RDH5: variants seen among roughly 807,000 people sequenced by gnomAD.
RDH5 encodes the protein 11-cis RDH.
RDH5 carries 25 observed loss-of-function variants against 24.0 expected under a neutral mutation model. The observed-to-expected ratio is 1.04, with a 90% CI of 0.76 to 1.46. The LOEUF (loss-of-function observed/expected upper bound fraction) is 1.46. Among genes scored for constraint, RDH5 ranks in the 40% most tolerant of loss-of-function variants. The pLI, the probability that RDH5 is intolerant of heterozygous loss-of-function variation, is 0.00. For missense variants in RDH5, 369 were observed against 410.3 expected, an observed-to-expected ratio of 0.90 and a Z score of 0.87; for synonymous variants, 170 against 175.2, an observed-to-expected ratio of 0.97 and a Z score of 0.23.
rs1217369608 is a variant in RDH5, at chr12:55,721,192, T to C, written c.8T>C (p.Leu3Pro). The C allele has an allele frequency of 1.2e-6, 2 of 1,613,964 alleles. No homozygotes were observed. Among genetic ancestry groups the C allele is most frequent in the African/African-American group, 1.3e-5 (1 of 75,064 alleles). Reference protein sequence around the residue: MWLPLLLGALLWA... With the variant: MWPPLLLGALLWA... ...GTCACTTGGGCTCCAGCTATGTGGC[T>C]GCCTCTTCTGCTGGGTGCCTTACTC... is the stretch of plus-strand genomic sequence containing the variant. Residue 3 changes from leucine (L) to proline (P), a missense_variant, in exon 2 of 5, where the codon CTG becomes CCG. By Grantham distance (98) the Leu-to-Pro change is moderately conservative (BLOSUM62 -3). Transcript: ENST00000257895. This position sits in a 1 kb window ranked among gnomAD's most constrained non-coding sequence, Gnocchi z 4.7.
At position 55,721,793 on chromosome 12, in the gene RDH5, G is replaced by C. The variant is rs772030499; in HGVS notation, c.415G>C (p.Gly139Arg). The C allele has an allele frequency of 6.2e-7, 1 of 1,614,066 alleles. No individual in the cohort carries two copies. Residue 139 changes from glycine (G) to arginine (R), a missense_variant, in exon 3 of 5, where the codon GGT becomes CGT. Coordinates refer to ENST00000257895, the MANE Select transcript of RDH5 (RefSeq NM_002905.5). This position sits in a 1 kb window ranked among gnomAD's most constrained non-coding sequence, Gnocchi z 4.7. ...FQRVLNVNTM[G>R]PIGVTLALLP... is the part of the protein sequence containing the mutation. ...GCGGGTGCTGAATGTGAACACAATG[G>C]GTCCCATCGGGGTCACCCTTGCCCT...
rs1412976313 is a variant in RDH5 at position 55,724,470 on chromosome 12, C to T, written c.882C>T (p.Ala294=). ...ATGCCAAGCTGCTCTGGCTGCCTGC[C>T]TCCTACCTGCCAGCCAGCCTGGTGG... ...GWDAKLLWLP[A]SYLPASLVDA... Residue 294 remains alanine, a synonymous_variant, in exon 5 of 5, where the codon GCC becomes GCT. Coordinates refer to ENST00000257895, the MANE Select transcript of RDH5 (RefSeq NM_002905.5). The T allele has an allele frequency of 3.7e-6, 6 of 1,613,864 alleles. No individual in the cohort carries two copies. In the African/African-American group the frequency reaches 5.3e-5, roughly 14 times the overall value.
At position 55,721,235 on chromosome 12, in the gene RDH5, G is replaced by A. The variant is rs1157291427; in HGVS notation, c.51G>A (p.Leu17=). The part of the protein sequence containing the change: ...LGALLWAVLW[L]LRDRQSLPAS... Reference sequence around the variant, plus strand: ...CCTTACTCTGGGCAGTGCTGTGGTTGCTCAGGGACCGGCAGAGCCTGCCCG... The same window carrying A: ...CCTTACTCTGGGCAGTGCTGTGGTTACTCAGGGACCGGCAGAGCCTGCCCG... The change falls in exon 2 of 5, where the codon TTG becomes TTA. Residue 17 remains leucine (L), a synonymous_variant. Transcript: ENST00000257895. This position sits in a 1 kb window ranked among gnomAD's most constrained non-coding sequence, Gnocchi z 4.7. The A allele has an allele frequency of 7.4e-6, 12 of 1,613,948 alleles. No homozygotes were observed. Among genetic ancestry groups the A allele is most frequent in the Non-Finnish European group, 1.0e-5 (12 of 1,180,050 alleles).
At chr12:55,720,883 CAAAAAAAAAAA>C (rs4016511) in intron 1 of RDH5, 20 of 100,380 alleles carry the variant, frequency 2.0e-4, no homozygotes, top group East Asian at 4.7e-4. Flanking sequence ...GACTCCATCT[CAAAAAAAAAAA>C]AAAAAAAAAA....
chr12:55,721,567 C>T lies in RDH5; in HGVS notation c.310+73C>T. 2 of 1,593,622 alleles carry T rather than the reference C, an allele frequency of 1.3e-6. No homozygotes were observed. The highest frequency in any genetic ancestry group is 1.7e-6 in the Non-Finnish European group (2 of 1,173,740). On this transcript the variant is annotated intron_variant, in intron 2 of 4. Transcript: ENST00000257895. This position sits in a 1 kb window ranked among gnomAD's most constrained non-coding sequence, Gnocchi z 4.7. ...CCACAGTCACCCCAGGAGTCACCTG[C>T]AAGGGCTGTGGTAAGCTAAAGGGAC...
rs773408248 is a variant in RDH5, at chr12:55,724,308, C to G, written c.734-14C>G. 2.5e-6 allele frequency: 4 copies of G among 1,612,752 alleles called. No individual in the cohort carries two copies. Among genetic ancestry groups the G allele is most frequent in the Non-Finnish European group, 1.7e-6 (2 of 1,178,710 alleles). Reference sequence around the variant, plus strand: ...AGGAAGGGAAACTGATTGCAACCACCTATGGGGCTGCAGACCTGAAAATGC... The same window carrying G: ...AGGAAGGGAAACTGATTGCAACCACGTATGGGGCTGCAGACCTGAAAATGC... On this transcript the variant is annotated splice_polypyrimidine_tract_variant and intron_variant, in intron 4 of 4. Transcript: ENST00000257895.
chr12:55,723,822 T>C (rs1877048218), intron 3 of RDH5, 64 bp from the exon 4 acceptor site: 3 of 1,584,866 alleles, frequency 1.9e-6, no homozygotes, highest in South Asian at 2.2e-5. Flanking sequence ...CCCCAACCCA[T>C]GTCCCTCAAA....
chr12:55,721,722 C>G lies in RDH5; in HGVS notation c.344C>G (p.Ala115Gly), dbSNP rs1489469476. 2 of 1,612,964 alleles carry G rather than the reference C, an allele frequency of 1.2e-6. No homozygotes were observed. Among genetic ancestry groups the G allele is most frequent in the African/African-American group, 1.3e-5 (1 of 74,922 alleles). The change falls in exon 3 of 5, where the codon GCT (alanine) becomes GGT (glycine). Residue 115 changes from alanine (A) to glycine (G), a missense_variant. Physicochemically the swap from Ala to Gly is moderately conservative, Grantham distance 60. Transcript: ENST00000257895. The surrounding 1 kb of genome is among the most constrained non-coding windows in gnomAD (Gnocchi z 4.7). ...GGTCTGGTGAATAATGCTGGTGTGGCTGGTATCATCGGACCCACACCATGG... is the reference window on the plus strand; with the variant it reads ...GGTCTGGTGAATAATGCTGGTGTGGGTGGTATCATCGGACCCACACCATGG... Reference protein sequence around the residue: ...LFGLVNNAGVAGIIGPTPWLT... With the variant: ...LFGLVNNAGVGGIIGPTPWLT...
Position 55,721,457 on chromosome 12 carries a change from G to T in RDH5, c.273G>T (p.Gln91His). Reference sequence around the variant, plus strand: ...TCACTGATCCCCAGAGCGTCCAGCAGGCAGCCAAGTGGGTGGAGATGCACG... The same window carrying T: ...TCACTGATCCCCAGAGCGTCCAGCATGCAGCCAAGTGGGTGGAGATGCACG... ...LDITDPQSVQ[Q>H]AAKWVEMHVK... Residue 91 changes from glutamine to histidine, a missense_variant, in exon 2 of 5, where the codon CAG becomes CAT. Gln to His is a conservative substitution (Grantham distance 24). Transcript: ENST00000257895. The surrounding 1 kb of genome is among the most constrained non-coding windows in gnomAD (Gnocchi z 4.7). 1 of 1,612,214 alleles carries T rather than the reference G, an allele frequency of 6.2e-7. No homozygotes were observed. The highest frequency in any genetic ancestry group is 1.1e-5 in the South Asian group (1 of 91,086).
At chr12:55,723,728 C>A in intron 3 of RDH5, 158 bp from the exon 4 acceptor site, 1 of 793,434 alleles carries the variant, frequency 1.3e-6, no homozygotes. Context: ...ACTTTCCTCC[C>A]TCTACCCCAC....
At chr12:55,723,744 C>T in intron 3 of RDH5, 142 bp from the exon 4 acceptor site, 1 of 927,114 alleles carries the variant, frequency 1.1e-6, no homozygotes, top group Admixed American at 1.9e-5. Flanking sequence ...CCCACTTGAC[C>T]CTTGTCCCGG....
chr12:55,723,698 A>C, intron 3 of RDH5, 188 bp from the exon 4 acceptor site: 1 of 652,512 alleles, frequency 1.5e-6, no homozygotes, highest in Non-Finnish European at 2.7e-6. Context: ...TCTAGATCAA[A>C]GAAAACAAAC....
At position 55,721,163 on chromosome 12, in the gene RDH5, G is replaced by A; in HGVS notation, c.-22G>A. ...TTCTGCCCAGCCTAGGCTGCCACCTGTAGGTCACTTGGGCTCCAGCTATGT... is the reference window on the plus strand; with the variant it reads ...TTCTGCCCAGCCTAGGCTGCCACCTATAGGTCACTTGGGCTCCAGCTATGT... On this transcript the variant is annotated 5_prime_UTR_variant, in exon 2 of 5. Coordinates refer to ENST00000257895, the MANE Select transcript of RDH5 (RefSeq NM_002905.5). The surrounding 1 kb of genome is among the most constrained non-coding windows in gnomAD (Gnocchi z 4.7). 6.2e-7 allele frequency: 1 copy of A among 1,613,034 alleles called. No individual in the cohort carries two copies. The highest frequency in any genetic ancestry group is 8.5e-7 in the Non-Finnish European group (1 of 1,179,506).
Position 55,721,516 on chromosome 12 carries a change from G to A in RDH5, c.310+22G>A. 2 of 1,602,332 alleles carry A rather than the reference G, an allele frequency of 1.2e-6. No homozygotes were observed. The highest frequency in any genetic ancestry group is 1.7e-6 in the Non-Finnish European group (2 of 1,179,796). ...GCAGGTAAGTATGGTAGACCACCAG[G>A]AATATGGTGTGGGGTGTCCTGATCC... On this transcript the variant is annotated intron_variant, in intron 2 of 4. Coordinates refer to ENST00000257895, the MANE Select transcript of RDH5 (RefSeq NM_002905.5). This position sits in a 1 kb window ranked among gnomAD's most constrained non-coding sequence, Gnocchi z 4.7.
In RDH5 at chr12:55,721,800, T is replaced by A; in HGVS notation, c.422T>A (p.Ile141Asn). ...CTGAATGTGAACACAATGGGTCCCATCGGGGTCACCCTTGCCCTGCTGCCT... is the reference window on the plus strand; with the variant it reads ...CTGAATGTGAACACAATGGGTCCCAACGGGGTCACCCTTGCCCTGCTGCCT... ...RVLNVNTMGP[I>N]GVTLALLPLL... is the part of the protein sequence containing the mutation. The change falls in exon 3 of 5, where the codon ATC becomes AAC. Residue 141 changes from isoleucine (I) to asparagine (N), a missense_variant. Physicochemically the swap from Ile to Asn is moderately radical, Grantham distance 149. Transcript: ENST00000257895. This position sits in a 1 kb window ranked among gnomAD's most constrained non-coding sequence, Gnocchi z 4.7. 1 of 1,614,034 alleles carries A rather than the reference T, an allele frequency of 6.2e-7. No homozygotes were observed. Among genetic ancestry groups the A allele is most frequent in the Non-Finnish European group, 8.5e-7 (1 of 1,180,018 alleles).
At position 55,724,562 on chromosome 12, in the gene RDH5, A is replaced by C; in HGVS notation, c.*17A>C. The C allele has an allele frequency of 1.2e-6, 2 of 1,604,646 alleles. No homozygotes were observed. The highest frequency in any genetic ancestry group is 2.2e-5 in the South Asian group (2 of 91,034). ...GTCTACTGAATCCAGCCTTCCAGCA[A>C]GAGATTGTTTTTCAAGGACAAGGAC... On this transcript the variant is annotated 3_prime_UTR_variant, in exon 5 of 5. Transcript: ENST00000257895.
rs1196943731 is a variant in RDH5 at position 55,721,494 on chromosome 12, G to A, written c.310G>A (p.Gly104Arg). 3 of 1,604,928 alleles carry A rather than the reference G, an allele frequency of 1.9e-6. No individual in the cohort carries two copies. The highest frequency in any genetic ancestry group is 1.7e-6 in the Non-Finnish European group (2 of 1,179,970). The stretch of plus-strand genomic sequence containing the variant: ...GGTGGAGATGCACGTTAAGGAAGCA[G>A]GTAAGTATGGTAGACCACCAGGAAT... The part of the protein sequence containing the change: ...KWVEMHVKEA[G>R]LFGLVNNAGV... The change falls in exon 2 of 5, where the codon GGG (glycine) becomes AGG (arginine). Residue 104 changes from glycine to arginine, a missense_variant and splice_region_variant. Gly to Arg is a moderately radical substitution (Grantham distance 125). Coordinates refer to ENST00000257895, the MANE Select transcript of RDH5 (RefSeq NM_002905.5). The surrounding 1 kb of genome is among the most constrained non-coding windows in gnomAD (Gnocchi z 4.7).
Position 55,724,501 on chromosome 12 carries a change from G to T in RDH5, c.913G>T (p.Val305Leu). 6.2e-7 allele frequency: 1 copy of T among 1,613,302 alleles called. No homozygotes were observed. Reference sequence around the variant, plus strand: ...CCTGCCAGCCAGCCTGGTGGATGCTGTGCTCACCTGGGTCCTTCCCAAGCC... The same window carrying T: ...CCTGCCAGCCAGCCTGGTGGATGCTTTGCTCACCTGGGTCCTTCCCAAGCC... ...SYLPASLVDA[V>L]LTWVLPKPAQ... The change falls in exon 5 of 5, where the codon GTG (valine) becomes TTG (leucine). Residue 305 changes from valine to leucine, a missense_variant. Val to Leu is a conservative substitution (Grantham distance 32, BLOSUM62 1). Transcript: ENST00000257895.
rs541857798 is a variant in RDH5, at chr12:55,721,054, C to G, written c.-32-99C>G. 16 of 810,546 alleles carry G rather than the reference C, an allele frequency of 2.0e-5. No individual in the cohort carries two copies. The South Asian group carries it at 2.3e-4, about 12-fold the overall frequency. 50.2% of individuals were successfully genotyped at this position (810,546 alleles called of 1,614,324 possible). On this transcript the variant is annotated intron_variant, in intron 1 of 4. Coordinates refer to ENST00000257895, the MANE Select transcript of RDH5 (RefSeq NM_002905.5). This position sits in a 1 kb window ranked among gnomAD's most constrained non-coding sequence, Gnocchi z 4.7. ...CAATTATCTGCCAACCAGATAATTTCTCAATATGCTCACACCAGATGCTTC... is the reference window on the plus strand; with the variant it reads ...CAATTATCTGCCAACCAGATAATTTGTCAATATGCTCACACCAGATGCTTC...
Sources: allele counts gnomAD v4.1 joint callset, GRCh38; gene constraint gnomAD v4.1.1; non-coding constraint Gnocchi (gnomAD v3.1); transcripts MANE v1.5; gene names NCBI Gene and HGNC (gene_info 2026-07-23, HGNC 2026-07-21).